GNAS: variants seen among roughly 807,000 people sequenced by gnomAD.
GNAS encodes the protein protein ALEX.
A neutral mutation model predicts 54.5 loss-of-function variants in GNAS; 8 were observed. That is an observed-to-expected ratio of 0.15 (90% CI 0.09 to 0.26). The LOEUF (loss-of-function observed/expected upper bound fraction) is 0.26. Among genes scored for constraint, GNAS ranks in the 10% least tolerant of loss-of-function variants. GNAS has a pLI of 1.00. For synonymous variants in GNAS, 204 were observed against 191.4 expected, an observed-to-expected ratio of 1.07 and a Z score of -0.54; for missense variants, 170 against 529.8, an observed-to-expected ratio of 0.32 and a Z score of 6.67.
At chr20:58,902,522 G>C (rs2090707970) in intron 3 of GNAS, among the ~76,000 whole-genome samples, 1 of 152,020 alleles carries the variant, frequency 6.6e-6, no homozygotes, top group African/African-American at 2.4e-5. Context: ...CCATGTGGCT[G>C]AGTTAAACTC....
chr20:58,889,382 C>G, upstream of GNAS: 10 of 983,596 alleles, frequency 1.0e-5, no homozygotes, highest in Non-Finnish European at 1.2e-5. Context: ...GGGCCTCCCG[C>G]GGAAGTGCGA....
Position 58,853,687 on chromosome 20 carries a change from C to T in GNAS, c.43+12801C>T. ...GCCTTCGGCCCAGCACTCATGGAGC[C>T]CGGAGCCTTCAGTGGTGCCAGACCA... On this transcript the variant is annotated intron_variant, in intron 1 of 12. Transcript: ENST00000306090. The surrounding 1 kb of genome is among the most constrained non-coding windows in gnomAD (Gnocchi z 4.4). 5 of 1,613,780 alleles carry T rather than the reference C, an allele frequency of 3.1e-6. 1 individual carries two copies. The South Asian group carries it at 5.5e-5, about 18-fold the overall frequency.
Position 58,851,023 on chromosome 20 carries a change from AGTTGGTGTTGG to A in GNAS, c.43+10139_43+10149del, listed in dbSNP as rs1450564226. The A allele has an allele frequency of 1.0e-5, 4 of 397,860 alleles. No homozygotes were observed. In the East Asian group the frequency reaches 1.4e-4, roughly 14 times the overall value. The allele number at this position is 397,860 out of a possible 1,614,324, so 24.6% of individuals were successfully genotyped here. A position where few individuals can be genotyped will look rare whatever the true frequency, so the allele number is the denominator to read the frequency against. Reference sequence around the variant, plus strand: ...CCGGCGCTGGGGTCGGAGGGGAGTGAGTTGGTGTTGGGACCCAGTTGGGCCATTCAGTGGAT... The same window carrying A: ...CCGGCGCTGGGGTCGGAGGGGAGTGAGACCCAGTTGGGCCATTCAGTGGAT... On this transcript the variant is annotated intron_variant, in intron 1 of 12. Transcript: ENST00000306090.
At chr20:58,908,935 T>C (rs1323638759) in intron 6 of GNAS, 2 of 648,070 alleles carry the variant, frequency 3.1e-6, no homozygotes, top group African/African-American at 3.6e-5. Context: ...TAGAGTTCCC[T>C]GATTCCTAAA....
At position 58,853,905 on chromosome 20, in the gene GNAS, G is replaced by C. The variant is rs764858437; in HGVS notation, c.43+13019G>C. ...CAGGCCTGCAAAGGCTGGCTCCAGA[G>C]GAGGCTACAGCCCTCCCCCTGAGGA... On this transcript the variant is annotated intron_variant, in intron 1 of 12. Coordinates refer to the GNAS transcript ENST00000306090. The surrounding 1 kb of genome is among the most constrained non-coding windows in gnomAD (Gnocchi z 4.4). 22 of 1,606,136 alleles carry C rather than the reference G, an allele frequency of 1.4e-5. No homozygotes were observed. In the South Asian group the frequency reaches 2.3e-4, roughly 17 times the overall value.
Position 58,854,942 on chromosome 20 carries a change from C to T in GNAS, c.43+14056C>T. 1 of 1,605,474 alleles carries T rather than the reference C, an allele frequency of 6.2e-7. No individual in the cohort carries two copies. Among genetic ancestry groups the T allele is most frequent in the East Asian group, 2.3e-5 (1 of 44,424 alleles). On this transcript the variant is annotated intron_variant, in intron 1 of 12. Transcript: ENST00000306090. The stretch of plus-strand genomic sequence containing the variant: ...GGCGGGGCAAGTCCGAGAGCAGCCG[C>T]GGCCGCCGCGTGTACTACGATGAAG...
At chr20:58,892,300 T>C in intron 1 of GNAS, 1 of 453,918 alleles carries the variant, frequency 2.2e-6, no homozygotes, top group Non-Finnish European at 2.8e-6. Flanking sequence ...GGGTGGCGGG[T>C]AGAGGGAGGG....
chr20:58,909,446 A>G lies in GNAS; in HGVS notation c.659+23A>G. On this transcript the variant is annotated intron_variant, in intron 8 of 12. Coordinates refer to ENST00000371085, the MANE Select transcript of GNAS (RefSeq NM_000516.7). The surrounding 1 kb of genome is among the most constrained non-coding windows in gnomAD (Gnocchi z 7.3). ...CCAGTAAGCCAACTGTTACCTTTTT[A>G]TATAACAGAGATCATGGTTTCTTGA... 1 of 1,610,396 alleles carries G rather than the reference A, an allele frequency of 6.2e-7. No individual in the cohort carries two copies. Among genetic ancestry groups the G allele is most frequent in the Non-Finnish European group, 8.5e-7 (1 of 1,176,672 alleles).
At chr20:58,858,698 T>A (rs1395200677) in intron 1 of GNAS, among the ~76,000 whole-genome samples, 1 of 152,216 alleles carries the variant, frequency 6.6e-6, no homozygotes. Context: ...ATACAGTGAA[T>A]CACAATTAAT....
Position 58,901,072 on chromosome 20 carries a change from A to G in GNAS, c.257+2087A>G, listed in dbSNP as rs538494112. ...TTTCTCTTGCTGTATGCAGATTTGGATATTTAGTACCCGAATGTATTTAAT... is the reference window on the plus strand; with the variant it reads ...TTTCTCTTGCTGTATGCAGATTTGGGTATTTAGTACCCGAATGTATTTAAT... On this transcript the variant is annotated intron_variant, in intron 3 of 12. Transcript: ENST00000371085. Among the ~76,000 whole-genome samples, 9 of 152,314 alleles carry G rather than the reference A, an allele frequency of 5.9e-5. No individual in the cohort carries two copies. In the South Asian group the frequency reaches 1.9e-3, roughly 32 times the overall value.
intron 1 of GNAS, among the ~76,000 whole-genome samples, chr20:58,871,009 G>A (rs1243109467): frequency 6.6e-6 from 1 of 152,168 alleles, no homozygotes; most frequent in East Asian, 1.9e-4. Flanking sequence ...ATCATGGTGT[G>A]CAGTTTCATA....
chr20:58,898,264 TC>T (rs1400879321), intron 2 of GNAS: 2 of 152,232 alleles, frequency 1.3e-5, no homozygotes, highest in Admixed American at 6.5e-5. Flanking sequence ...GTTTTTTTTT[TC>T]TTTTTCTTTT....
intron 2 of GNAS, among the ~76,000 whole-genome samples, chr20:58,896,698 T>G (rs986704502): frequency 2.6e-5 from 4 of 151,926 alleles, no homozygotes; most frequent in Middle Eastern, 3.4e-3. Context: ...TATGAGAGCA[T>G]TAACCGCACT....
At position 58,891,499 on chromosome 20, in the gene GNAS, CG is replaced by C; in HGVS notation, c.-224del. ...GCCCCCTCGGCCTCGGCTCGAGGGGCGGGGAGCTGCGCGCGCCCCTCGGTCC... is the reference window on the plus strand; with the variant it reads ...GCCCCCTCGGCCTCGGCTCGAGGGGCGGGAGCTGCGCGCGCCCCTCGGTCC... On this transcript the variant is annotated 5_prime_UTR_variant, in exon 1 of 13. Coordinates refer to ENST00000371085, the MANE Select transcript of GNAS (RefSeq NM_000516.7). 1.0e-6 allele frequency: 1 copy of C among 969,416 alleles called. No homozygotes were observed. Among genetic ancestry groups the C allele is most frequent in the South Asian group, 4.6e-5 (1 of 21,612 alleles). The allele number at this position is 969,416 out of a possible 1,614,324, so 60.1% of individuals were successfully genotyped here. A position where few individuals can be genotyped will look rare whatever the true frequency, so the allele number is the denominator to read the frequency against.
At chr20:58,895,437 A>G in intron 1 of GNAS, 175 bp from the exon 2 acceptor site, 1 of 654,996 alleles carries the variant, frequency 1.5e-6, no homozygotes, top group South Asian at 1.7e-5. Flanking sequence ...ACTGAATTGG[A>G]CATTGATTTC....
intron 2 of GNAS, 24 bp from the exon 3 acceptor site, chr20:58,898,917 G>A: frequency 6.2e-7 from 1 of 1,609,352 alleles, no homozygotes; most frequent in South Asian, 1.1e-5. Flanking sequence ...CAGATTAGGT[G>A]AGCTTTCAAT....
intron 5 of GNAS, 66 bp downstream of exon 5, chr20:58,903,857 C>T: frequency 6.4e-7 from 1 of 1,555,552 alleles, no homozygotes; most frequent in Non-Finnish European, 8.9e-7. Context: ...CATATAGGAA[C>T]ATGAGTGACA....
In GNAS at chr20:58,848,597, C is replaced by A. The variant is rs982959428; in HGVS notation, c.43+7711C>A. Among the ~76,000 whole-genome samples, 50 of 152,218 alleles carry A rather than the reference C, an allele frequency of 3.3e-4. 1 individual carries two copies. The highest frequency in any genetic ancestry group is 1.5e-5 in the Non-Finnish European group (1 of 68,044). On this transcript the variant is annotated intron_variant, in intron 1 of 12. Coordinates refer to the GNAS transcript ENST00000306090. ...CCCAGACGATGCTGCCCACTAACAT[C>A]CAGCACTGGCCATCTCCCTCCAGAT... is the stretch of plus-strand genomic sequence containing the variant.
chr20:58,861,918 G>A (rs932697985), intron 1 of GNAS, among the ~76,000 whole-genome samples: 4 of 151,638 alleles, frequency 2.6e-5, no homozygotes, highest in Non-Finnish European at 2.9e-5. Flanking sequence ...TTGGTCAGGC[G>A]GGTCTCGAAC....
Sources: allele counts gnomAD v4.1 joint callset (sites outside exome capture counted in the v4.1 genomes callset), GRCh38; gene constraint gnomAD v4.1.1; non-coding constraint Gnocchi (gnomAD v3.1); transcripts MANE v1.5; gene names NCBI Gene and HGNC (gene_info 2026-07-23, HGNC 2026-07-21).